The following SHC3 variants were observed in gnomAD, a reference collection of about 807,000 sequenced individuals.
The protein encoded by SHC3 is SHC-transforming protein 3.
A neutral mutation model predicts 60.4 loss-of-function variants in SHC3; 15 were observed. That is an observed-to-expected ratio of 0.25 (90% CI 0.17 to 0.38). SHC3 has a LOEUF of 0.38. SHC3 is among the 10% of genes least tolerant of loss of function. SHC3 has a pLI of 1.00. For synonymous variants in SHC3, 294 were observed against 325.9 expected, an observed-to-expected ratio of 0.90 and a Z score of 1.05; for missense variants, 677 against 786.1, an observed-to-expected ratio of 0.86 and a Z score of 1.66.
At chr9:89,102,065 A>G (rs1019220427) in intron 2 of SHC3, among the ~76,000 whole-genome samples, 1 of 152,102 alleles carries the variant, frequency 6.6e-6, no homozygotes, top group Non-Finnish European at 1.5e-5. Context: ...TATCTTTCAA[A>G]GAATTTGTTC....
At chr9:89,115,367 T>C (rs1242826241) in intron 1 of SHC3, among the ~76,000 whole-genome samples, 3 of 152,114 alleles carry the variant, frequency 2.0e-5, no homozygotes, top group Non-Finnish European at 2.9e-5. Context: ...TGATGCAAAA[T>C]TATGTGAATT....
At chr9:89,030,211 C>T (rs1020997820) in intron 11 of SHC3, among the ~76,000 whole-genome samples, 5 of 152,060 alleles carry the variant, frequency 3.3e-5, no homozygotes, top group Non-Finnish European at 5.9e-5. Context: ...CGCTTAATAA[C>T]AGAACACCAA....
At chr9:89,018,638 A>T (rs1826137091) in intron 11 of SHC3, among the ~76,000 whole-genome samples, 1 of 152,148 alleles carries the variant, frequency 6.6e-6, no homozygotes, top group East Asian at 1.9e-4. Flanking sequence ...ACTGTAATTT[A>T]AAAATGTTAT....
intron 7 of SHC3, among the ~76,000 whole-genome samples, chr9:89,048,119 C>T (rs1000090307): frequency 6.6e-6 from 1 of 151,910 alleles, no homozygotes; most frequent in East Asian, 1.9e-4. Context: ...TGGCACACAC[C>T]TGTAGTTCCA....
intron 2 of SHC3, among the ~76,000 whole-genome samples, chr9:89,080,099 T>C (rs1825420720): frequency 6.6e-6 from 1 of 152,258 alleles, no homozygotes; most frequent in African/African-American, 2.4e-5. Flanking sequence ...TAAATGTAAC[T>C]ATTCTCAATT....
chr9:89,139,976 T>C (rs1290992912), intron 1 of SHC3, among the ~76,000 whole-genome samples: 1 of 152,242 alleles, frequency 6.6e-6, no homozygotes, highest in Non-Finnish European at 1.5e-5. Context: ...ATATCTGACC[T>C]GAGTAATTTA....
intron 2 of SHC3, chr9:89,109,112 T>G: frequency 1.0e-6 from 1 of 985,590 alleles, no homozygotes; most frequent in Non-Finnish European, 1.2e-6. Flanking sequence ...GGCCAGGTCC[T>G]GGGGATAGGA....
At chr9:89,024,660 C>T (rs147378049) in intron 11 of SHC3, among the ~76,000 whole-genome samples, 85 of 152,336 alleles carry the variant, frequency 5.6e-4, no homozygotes, top group Admixed American at 2.0e-3. Context: ...TAGTACAGTG[C>T]GTGGCATCAA....
intron 6 of SHC3, among the ~76,000 whole-genome samples, chr9:89,055,320 G>A (rs1297322260): frequency 6.6e-6 from 1 of 152,242 alleles, no homozygotes; most frequent in Non-Finnish European, 1.5e-5. Flanking sequence ...CCATCTGCCT[G>A]CTGCAACAGG....
chr9:89,127,842 G>A (rs1826187538), intron 1 of SHC3, among the ~76,000 whole-genome samples: 1 of 151,786 alleles, frequency 6.6e-6, no homozygotes, highest in South Asian at 2.1e-4. Flanking sequence ...TCTTTTTGGG[G>A]GTATAGGATC....
intron 11 of SHC3, among the ~76,000 whole-genome samples, chr9:89,027,050 G>A (rs1826321968): frequency 6.6e-6 from 1 of 152,164 alleles, no homozygotes; most frequent in South Asian, 2.1e-4. Context: ...TGACCGTGGT[G>A]ACCAAACAGG....
intron 1 of SHC3, among the ~76,000 whole-genome samples, chr9:89,162,707 CA>C (rs1330543486): frequency 6.7e-6 from 1 of 150,090 alleles, no homozygotes; most frequent in Non-Finnish European, 1.5e-5. Flanking sequence ...TCTAAAACAC[CA>C]AAAGCAATGG....
intron 7 of SHC3, among the ~76,000 whole-genome samples, chr9:89,049,292 A>G (rs79611118): frequency 1.5e-5 from 2 of 133,364 alleles, no homozygotes; most frequent in Admixed American, 7.4e-5. Flanking sequence ...AAAACAAAAC[A>G]AAACCAGAAA....
Position 89,010,085 on chromosome 9 carries a change from T to C in SHC3, c.*3362A>G, listed in dbSNP as rs1825996365. 1 of 152,088 alleles carries C rather than the reference T, an allele frequency of 6.6e-6. No homozygotes were observed. The highest frequency in any genetic ancestry group is 6.5e-5 in the Admixed American group (1 of 15,274). The allele number at this position is 152,088 out of a possible 1,614,324, so 9.4% of individuals were successfully genotyped here. A position where few individuals can be genotyped will look rare whatever the true frequency, so the allele number is the denominator to read the frequency against. Reference sequence around the variant, plus strand: ...TCTTTATTAGAAATTACCCACAACTTCCTCCACCTCCAGGAGGCCCTAAAG... The same window carrying C: ...TCTTTATTAGAAATTACCCACAACTCCCTCCACCTCCAGGAGGCCCTAAAG... On this transcript the variant is annotated 3_prime_UTR_variant, in exon 12 of 12. Coordinates refer to ENST00000375835, the MANE Select transcript of SHC3 (RefSeq NM_016848.6).
At chr9:89,048,866 C>T (rs1048722142) in intron 7 of SHC3, among the ~76,000 whole-genome samples, 1 of 152,144 alleles carries the variant, frequency 6.6e-6, no homozygotes, top group Non-Finnish European at 1.5e-5. Flanking sequence ...GGATAGTACC[C>T]TGCGGGACAC....
At chr9:89,071,461 C>T (rs113575116) in intron 4 of SHC3, among the ~76,000 whole-genome samples, 2,202 of 152,224 alleles carry the variant, frequency 0.014, 66 homozygotes, top group African/African-American at 0.05. Context: ...GAATAGTGTC[C>T]GTGAAGCCTC....
intron 1 of SHC3, among the ~76,000 whole-genome samples, chr9:89,143,450 G>A (rs1826423873): frequency 6.6e-6 from 1 of 152,032 alleles, no homozygotes; most frequent in Non-Finnish European, 1.5e-5. Context: ...CTAACCATCT[G>A]GGAATCCAGC....
At chr9:89,099,368 A>G (rs1272108176) in intron 2 of SHC3, among the ~76,000 whole-genome samples, 1 of 152,244 alleles carries the variant, frequency 6.6e-6, no homozygotes. Flanking sequence ...TCACATGCCA[A>G]TTTCAACACT....
chr9:89,060,665 G>A (rs185123496), intron 6 of SHC3, among the ~76,000 whole-genome samples: 187 of 152,148 alleles, frequency 1.2e-3, no homozygotes, highest in Non-Finnish European at 2.2e-3. Context: ...GGTGTTGGGG[G>A]AATGGGACAT....
Sources: allele counts gnomAD v4.1 joint callset (sites outside exome capture counted in the v4.1 genomes callset), GRCh38; gene constraint gnomAD v4.1.1; transcripts MANE v1.5; gene names NCBI Gene and HGNC (gene_info 2026-07-23, HGNC 2026-07-21).